GABRA3: variants seen among roughly 807,000 people sequenced by gnomAD.
The protein encoded by GABRA3 is gamma-aminobutyric acid type A receptor subunit alpha3.
GABRA3 carries 10 observed loss-of-function variants against 30.1 expected under a neutral mutation model. That is an observed-to-expected ratio of 0.33 (90% confidence interval 0.20 to 0.56). The LOEUF is 0.56. Ranked by LOEUF, GABRA3 falls within the 20% of genes least tolerant of loss-of-function variation. The pLI is 0.89. For missense variants in GABRA3, 233 were observed against 392.0 expected, an observed-to-expected ratio of 0.59 and a Z score of 3.42; for synonymous variants, 151 against 146.8, an observed-to-expected ratio of 1.03 and a Z score of -0.21.
intron 5 of GABRA3, among the ~76,000 whole-genome samples, chrX:152,254,650 C>G (rs898352049): frequency 2.7e-5 from 3 of 111,593 alleles, no homozygotes; most frequent in African/African-American, 9.8e-5. Context: ...TCCTCATCTT[C>G]CAAATTCTTG....
chrX:152,175,694 C>G (rs1021657936), intron 9 of GABRA3, among the ~76,000 whole-genome samples: 2 of 111,434 alleles, frequency 1.8e-5, no homozygotes, highest in Non-Finnish European at 3.8e-5. Flanking sequence ...GTGAAAAGAT[C>G]TCAACAATAA....
chrX:152,377,781 G>T (rs547120622), intron 1 of GABRA3, among the ~76,000 whole-genome samples: 3 of 111,612 alleles, frequency 2.7e-5, no homozygotes, highest in African/African-American at 9.8e-5. Context: ...TTTTCAAGTG[G>T]TGTGGAGTCT....
intron 1 of GABRA3, among the ~76,000 whole-genome samples, chrX:152,425,812 C>A (rs1002449807): frequency 9.1e-6 from 1 of 110,204 alleles, no homozygotes; most frequent in African/African-American, 3.3e-5. Flanking sequence ...TGATGTACTT[C>A]TTGAATAAAA....
At chrX:152,383,176 G>A (rs1219257809) in intron 1 of GABRA3, among the ~76,000 whole-genome samples, 2 of 108,659 alleles carry the variant, frequency 1.8e-5, no homozygotes, top group African/African-American at 6.7e-5. Flanking sequence ...CATGAGGTCA[G>A]GAGATCGAGA....
intron 3 of GABRA3, among the ~76,000 whole-genome samples, chrX:152,302,270 T>A (rs1202649476): frequency 5.6e-5 from 6 of 106,535 alleles, no homozygotes; most frequent in Non-Finnish European, 1.2e-4. Flanking sequence ...AAAAAAAAAA[T>A]AGCCAACCAC....
At chrX:152,297,107 C>A (rs1939544043) in intron 3 of GABRA3, among the ~76,000 whole-genome samples, 1 of 111,880 alleles carries the variant, frequency 8.9e-6, no homozygotes, top group African/African-American at 3.3e-5. Context: ...ACAATCACCA[C>A]CCTAACCACT....
At chrX:152,339,039 G>A (rs1382217183) in intron 3 of GABRA3, among the ~76,000 whole-genome samples, 1 of 110,148 alleles carries the variant, frequency 9.1e-6, no homozygotes, top group Non-Finnish European at 1.9e-5. Context: ...GTACATTTAA[G>A]GATTTTTTTT....
At chrX:152,393,883 A>G (rs1475367724) in intron 1 of GABRA3, among the ~76,000 whole-genome samples, 2 of 111,828 alleles carry the variant, frequency 1.8e-5, no homozygotes, top group Non-Finnish European at 3.8e-5. Context: ...AACGATTCAA[A>G]TGACTGCCAT....
intron 5 of GABRA3, among the ~76,000 whole-genome samples, chrX:152,240,229 T>G (rs998710065): frequency 1.9e-5 from 2 of 105,464 alleles, no homozygotes; most frequent in African/African-American, 7.4e-5. Context: ...GTCTGTGAAG[T>G]ATTTTATTTC....
At chrX:152,231,189 A>G (rs900014001) in intron 5 of GABRA3, among the ~76,000 whole-genome samples, 2 of 107,949 alleles carry the variant, frequency 1.9e-5, no homozygotes, top group Non-Finnish European at 3.9e-5. Context: ...ACATATGTAT[A>G]TATACACATA....
chrX:152,436,408 T>A (rs1206259844), intron 1 of GABRA3, among the ~76,000 whole-genome samples: 1 of 111,799 alleles, frequency 8.9e-6, no homozygotes, highest in African/African-American at 3.2e-5. Context: ...GCCAGGAGCA[T>A]GTCCCTCCAT....
chrX:152,221,372 CATGAGT>C lies in GABRA3; in HGVS notation c.634+3385_634+3390del, dbSNP rs1284438559. Among the ~76,000 whole-genome samples, 5 of 111,434 alleles carry C rather than the reference CATGAGT, an allele frequency of 4.5e-5. No individual in the cohort carries two copies. In the South Asian group the frequency reaches 1.5e-3, roughly 34 times the overall value. ...TCTCTCTCTCTCTTCTATTCTGTTC[CATGAGT>C]ATATTTGTCTACTTTGCAACAATAA... On this transcript the variant is annotated intron_variant, in intron 6 of 9. Coordinates refer to ENST00000370314, the MANE Select transcript of GABRA3 (RefSeq NM_000808.4).
chrX:152,256,251 G>T (rs1381433765), intron 4 of GABRA3, among the ~76,000 whole-genome samples: 1 of 111,043 alleles, frequency 9.0e-6, no homozygotes, highest in Non-Finnish European at 1.9e-5. Flanking sequence ...TCCCCACACA[G>T]CACACAAGCT....
chrX:152,315,975 C>G (rs1470129020), intron 3 of GABRA3, among the ~76,000 whole-genome samples: 2 of 65,211 alleles, frequency 3.1e-5, no homozygotes, highest in African/African-American at 6.1e-5. Context: ...CCCCCGACCC[C>G]CCCCCCCCCC....
At position 152,224,749 on chromosome X, in the gene GABRA3, G is replaced by C; in HGVS notation, c.634+14C>G. 8.8e-7 allele frequency: 1 copy of C among 1,134,803 alleles called. No homozygotes were observed. The highest frequency in any genetic ancestry group is 1.2e-6 in the Non-Finnish European group (1 of 836,317). 93.5% of individuals were successfully genotyped at this position (1,134,803 alleles called of 1,213,427 possible). ...CAAAAAAAAAAGACAGAGAGAGAGAGAGAAAATACATACAGCTTCCAAACT... is the reference window on the plus strand; with the variant it reads ...CAAAAAAAAAAGACAGAGAGAGAGACAGAAAATACATACAGCTTCCAAACT... On this transcript the variant is annotated intron_variant, in intron 6 of 9. Coordinates refer to ENST00000370314, the MANE Select transcript of GABRA3 (RefSeq NM_000808.4).
chrX:152,415,618 T>A (rs1930191836), intron 1 of GABRA3, among the ~76,000 whole-genome samples: 1 of 110,827 alleles, frequency 9.0e-6, no homozygotes, highest in Admixed American at 9.6e-5. Context: ...AGAGCACACA[T>A]CAAACCATTC....
intron 3 of GABRA3, among the ~76,000 whole-genome samples, chrX:152,285,900 G>T (rs1053883071): frequency 1.4e-4 from 15 of 107,007 alleles, no homozygotes; most frequent in Admixed American, 9.1e-4. Flanking sequence ...TAATACTATA[G>T]TATTAAGTAC....
At chrX:152,226,231 T>C (rs1292955011) in intron 5 of GABRA3, among the ~76,000 whole-genome samples, 1 of 111,812 alleles carries the variant, frequency 8.9e-6, no homozygotes, top group Admixed American at 9.6e-5. Context: ...ACACGGTTTT[T>C]CTTTGGTTAA....
intron 5 of GABRA3, among the ~76,000 whole-genome samples, chrX:152,233,122 T>C (rs953563099): frequency 2.7e-5 from 3 of 110,554 alleles, no homozygotes; most frequent in Non-Finnish European, 5.7e-5. Flanking sequence ...GTATGTCTTC[T>C]TTTGAAAAAT....
Sources: allele counts gnomAD v4.1 joint callset (sites outside exome capture counted in the v4.1 genomes callset), GRCh38; gene constraint gnomAD v4.1.1; transcripts MANE v1.5; gene names NCBI Gene and HGNC (gene_info 2026-07-23, HGNC 2026-07-21).